Variants in HGF observed in about 807,000 individuals in gnomAD.
The protein encoded by HGF is fibroblast-derived tumor cytotoxic factor.
Under a neutral mutation model 111.6 loss-of-function variants are expected in HGF, and 39 were observed. The observed-to-expected ratio is 0.35, with a 90% confidence interval of 0.27 to 0.46. The LOEUF is 0.46. Among genes scored for constraint, HGF ranks in the 20% least tolerant of loss-of-function variants. The pLI is 1.00. For synonymous variants in HGF, 285 were observed against 294.8 expected (o/e 0.97, Z 0.34); for missense variants, 735 against 910.5 (o/e 0.81, Z 2.48).
At chr7:81,721,211 C>T (rs1789852601) in intron 9 of HGF, among the ~76,000 whole-genome samples, 1 of 152,048 alleles carries the variant, frequency 6.6e-6, no homozygotes, top group Admixed American at 6.5e-5. Flanking sequence ...GGCGCCACTG[C>T]ACTCCAGCCT....
chr7:81,722,416 C>A (rs939289964), intron 9 of HGF, among the ~76,000 whole-genome samples: 2 of 151,796 alleles, frequency 1.3e-5, no homozygotes, highest in East Asian at 3.9e-4. Context: ...CCGCCCGCCT[C>A]GGACTTCCAA....
chr7:81,699,244 T>C lies in HGF; in HGVS notation c.*3337A>G, dbSNP rs1003806980. The C allele has an allele frequency of 1.3e-5, 2 of 151,598 alleles. No homozygotes were observed. The highest frequency in any genetic ancestry group is 2.4e-5 in the African/African-American group (1 of 41,400). The allele number at this position is 151,598 out of a possible 1,614,324, so 9.4% of individuals were successfully genotyped here. A position where few individuals can be genotyped will look rare whatever the true frequency, so the allele number is the denominator to read the frequency against. On this transcript the variant is annotated 3_prime_UTR_variant, in exon 18 of 18. Coordinates refer to ENST00000222390, the MANE Select transcript of HGF (RefSeq NM_000601.6). ...CAGTTTCCTAAAGACAGAAACTTTCTGTGCAAATGGAAATGAACCTACTTA... is the reference window on the plus strand; with the variant it reads ...CAGTTTCCTAAAGACAGAAACTTTCCGTGCAAATGGAAATGAACCTACTTA...
At chr7:81,756,260 A>G (rs1435967680) in intron 4 of HGF, 6 of 547,202 alleles carry the variant, frequency 1.1e-5, no homozygotes, top group Non-Finnish European at 1.9e-5. Flanking sequence ...AAATAGAACC[A>G]ATAAAACTAC....
At chr7:81,725,431 T>C (rs1350388441) in intron 9 of HGF, among the ~76,000 whole-genome samples, 1 of 152,220 alleles carries the variant, frequency 6.6e-6, no homozygotes, top group Admixed American at 6.5e-5. Context: ...CTCACTGCCC[T>C]TGGGTCCTTC....
chr7:81,740,017 T>A (rs993772711), intron 7 of HGF, among the ~76,000 whole-genome samples: 2 of 152,180 alleles, frequency 1.3e-5, no homozygotes, highest in South Asian at 2.1e-4. Context: ...ACCATACTGC[T>A]CCAGCCATCC....
chr7:81,755,802 A>G (rs1788738457), intron 4 of HGF: 1 of 545,262 alleles, frequency 1.8e-6, no homozygotes, highest in Non-Finnish European at 3.2e-6. Context: ...GCATTTCTAC[A>G]TAATTGTAAG....
intron 7 of HGF, chr7:81,742,891 G>A (rs1294124916): frequency 1.2e-6 from 2 of 1,610,956 alleles, no homozygotes; most frequent in East Asian, 2.2e-5. Flanking sequence ...ATTCTTCACT[G>A]CAGCCTCTGT....
At chr7:81,757,615 C>T (rs1046064681) in intron 3 of HGF, among the ~76,000 whole-genome samples, 1 of 152,000 alleles carries the variant, frequency 6.6e-6, no homozygotes, top group Middle Eastern at 3.4e-3. Flanking sequence ...AATATATAGA[C>T]CATTTTAAGA....
At chr7:81,714,864 C>T (rs1447724595) in intron 11 of HGF, among the ~76,000 whole-genome samples, 2 of 151,986 alleles carry the variant, frequency 1.3e-5, no homozygotes, top group South Asian at 2.1e-4. Flanking sequence ...CAAATCCTGG[C>T]TATAAATATT....
chr7:81,717,065 C>T (rs1318864064), intron 11 of HGF, among the ~76,000 whole-genome samples, 167 bp downstream of exon 11: 6 of 152,020 alleles, frequency 3.9e-5, no homozygotes, highest in African/African-American at 1.4e-4. Context: ...AAAGAGAGAC[C>T]ATGTGGTGTG....
At chr7:81,709,619 TTATTATAATATCAAGAC>T (rs754041295) in intron 13 of HGF, among the ~76,000 whole-genome samples, 25 of 152,134 alleles carry the variant, frequency 1.6e-4, no homozygotes, top group Non-Finnish European at 3.1e-4. Flanking sequence ...TCCCCACTGA[TTATTATAATATCAAGAC>T]TATTTAACTA....
intron 8 of HGF, among the ~76,000 whole-genome samples, chr7:81,728,098 G>A (rs1298562169): frequency 1.3e-5 from 2 of 152,164 alleles, no homozygotes; most frequent in East Asian, 1.9e-4. Context: ...ATAGAGACAC[G>A]TGACCAGTAC....
chr7:81,738,138 G>T (rs1474409681), intron 7 of HGF, among the ~76,000 whole-genome samples: 1 of 152,076 alleles, frequency 6.6e-6, no homozygotes, highest in Non-Finnish European at 1.5e-5. Flanking sequence ...TAAGTTTAAT[G>T]CCTGGGTGAC....
intron 7 of HGF, among the ~76,000 whole-genome samples, chr7:81,741,938 CAAAAAAAA>C (rs71520767): frequency 1.1e-4 from 5 of 46,352 alleles, no homozygotes; most frequent in Admixed American, 3.1e-4. Context: ...AACTCCATCT[CAAAAAAAA>C]AAAAAAAAAA....
intron 7 of HGF, chr7:81,736,773 G>C (rs1787839677): frequency 2.1e-6 from 1 of 465,572 alleles, no homozygotes; most frequent in South Asian, 1.5e-5. Flanking sequence ...GAGAAATGTG[G>C]AGGTATATGA....
In HGF at chr7:81,747,325, C is replaced by T. The variant is rs550606319; in HGVS notation, c.626-2205G>A. Among the ~76,000 whole-genome samples, 19 of 152,024 alleles carry T rather than the reference C, an allele frequency of 1.2e-4. No homozygotes were observed. In the South Asian group the frequency reaches 2.5e-3, roughly 20 times the overall value. On this transcript the variant is annotated intron_variant, in intron 5 of 17. Coordinates refer to ENST00000222390, the MANE Select transcript of HGF (RefSeq NM_000601.6). ...CTGCACTCCAGCCTGGGCGACAGAGCGAGACTCCGTCTCAAAAAATAAAAA... is the reference window on the plus strand; with the variant it reads ...CTGCACTCCAGCCTGGGCGACAGAGTGAGACTCCGTCTCAAAAAATAAAAA...
chr7:81,757,221 C>T lies in HGF; in HGVS notation c.450G>A (p.Gln150=), dbSNP rs764026915. 1.9e-6 allele frequency: 3 copies of T among 1,602,380 alleles called. No individual in the cohort carries two copies. The highest frequency in any genetic ancestry group is 4.5e-5 in the East Asian group (2 of 44,790). ...CGTGTGGTATCATGGAACTCCAGGGCTGACATTTGATGCCACTCTTAGTGA... is the reference window on the plus strand; with the variant it reads ...CGTGTGGTATCATGGAACTCCAGGGTTGACATTTGATGCCACTCTTAGTGA... ...VSITKSGIKC[Q]PWSSMIPHEH... Residue 150 remains glutamine, a synonymous_variant, in exon 4 of 18, where the codon CAG becomes CAA. Coordinates refer to ENST00000222390, the MANE Select transcript of HGF (RefSeq NM_000601.6).
intron 5 of HGF, among the ~76,000 whole-genome samples, chr7:81,750,241 C>G (rs1788435207): frequency 1.3e-5 from 2 of 152,116 alleles, no homozygotes; most frequent in Non-Finnish European, 2.9e-5. Flanking sequence ...TAACACATTG[C>G]TTGTGTTAGC....
intron 11 of HGF, among the ~76,000 whole-genome samples, chr7:81,713,764 C>A (rs1789634887): frequency 6.6e-6 from 1 of 151,996 alleles, no homozygotes; most frequent in African/African-American, 2.4e-5. Flanking sequence ...TGAAAAACTA[C>A]TTTCTATGCC....
Sources: allele counts gnomAD v4.1 joint callset (sites outside exome capture counted in the v4.1 genomes callset), GRCh38; gene constraint gnomAD v4.1.1; transcripts MANE v1.5; gene names NCBI Gene and HGNC (gene_info 2026-07-23, HGNC 2026-07-21).